Variants in ERAP1 observed in about 807,000 individuals in gnomAD.
The protein encoded by ERAP1 is endoplasmic reticulum aminopeptidase 1, also known as adipocyte-derived leucine aminopeptidase.
In ERAP1, 86 loss-of-function variants were observed where a neutral mutation model predicts 103.7. The observed-to-expected ratio is 0.83, with a 90% CI of 0.70 to 0.99. The LOEUF (loss-of-function observed/expected upper bound fraction) is 0.99, where lower values mean the gene tolerates loss of function less well. Ranked by LOEUF, ERAP1 falls within the 50% of genes least tolerant of loss-of-function variation. ERAP1 has a pLI of 0.00. For missense variants in ERAP1, 1,009 were observed against 1,128.4 expected, an observed-to-expected ratio of 0.89 and a Z score of 1.52; for synonymous variants, 398 against 402.4, an observed-to-expected ratio of 0.99 and a Z score of 0.13.
chr5:96,781,598 A>G, intron 16 of ERAP1, 95 bp downstream of exon 16: 1 of 1,522,272 alleles, frequency 6.6e-7, no homozygotes, highest in Non-Finnish European at 9.1e-7. Context: ...CAGGATAGGC[A>G]ATTCCTGGCC....
At chr5:96,897,397 A>G in the ERAP1 span, among the ~76,000 whole-genome samples, 30 of 152,176 alleles carry the variant, frequency 2.0e-4, no homozygotes, top group African/African-American at 7.2e-4. Context: ...CCTCCTCCTT[A>G]CAGACTGTTC....
the ERAP1 span, among the ~76,000 whole-genome samples, chr5:96,887,318 T>C: frequency 6.6e-6 from 1 of 151,062 alleles, no homozygotes; most frequent in African/African-American, 2.4e-5. Context: ...TTTTTTTTTT[T>C]GAGACAGAGT....
chr5:96,892,763 C>T, the ERAP1 span, among the ~76,000 whole-genome samples: 1 of 152,294 alleles, frequency 6.6e-6, no homozygotes, highest in East Asian at 1.9e-4. Context: ...GAATTGGAAA[C>T]CTTACAAATA....
chr5:96,804,135 C>G (rs1778297141), intron 1 of ERAP1, among the ~76,000 whole-genome samples, 192 bp from the exon 2 acceptor site: 1 of 152,184 alleles, frequency 6.6e-6, no homozygotes, highest in African/African-American at 2.4e-5. Flanking sequence ...TTACAGTTAG[C>G]AACAATCATT....
chr5:96,823,932 T>G, the ERAP1 span, among the ~76,000 whole-genome samples: 1 of 152,230 alleles, frequency 6.6e-6, no homozygotes, highest in African/African-American at 2.4e-5. Flanking sequence ...AGCACAAGCA[T>G]GACCATGCCT....
At chr5:96,858,111 G>T in the ERAP1 span, among the ~76,000 whole-genome samples, 2 of 152,062 alleles carry the variant, frequency 1.3e-5, no homozygotes, top group Non-Finnish European at 2.9e-5. Context: ...TGGTTTTGCT[G>T]TTAAGCCACA....
At chr5:96,793,551 G>A in intron 6 of ERAP1, 38 bp from the exon 7 acceptor site, 1 of 1,467,402 alleles carries the variant, frequency 6.8e-7, no homozygotes, top group African/African-American at 1.4e-5. Flanking sequence ...AAGACACTCA[G>A]AAAGAAGTAT....
chr5:96,872,695 T>C, the ERAP1 span, among the ~76,000 whole-genome samples: 2 of 152,226 alleles, frequency 1.3e-5, no homozygotes, highest in African/African-American at 2.4e-5. Context: ...TTTTCCCTAA[T>C]TGATTCTCGG....
the ERAP1 span, among the ~76,000 whole-genome samples, chr5:96,842,420 CTA>C: frequency 2.0e-5 from 3 of 152,162 alleles, no homozygotes; most frequent in Non-Finnish European, 2.9e-5. Context: ...TAAAAGTGTT[CTA>C]TTTTCACCAC....
At chr5:96,797,105 TC>T in intron 4 of ERAP1, 69 bp downstream of exon 4, 1 of 1,601,112 alleles carries the variant, frequency 6.2e-7, no homozygotes. Context: ...CAGGCAGACT[TC>T]CAGTTTTAAA....
intron 3 of ERAP1, among the ~76,000 whole-genome samples, chr5:96,798,615 A>C (rs989235576): frequency 2.0e-5 from 3 of 150,170 alleles, no homozygotes; most frequent in Admixed American, 6.7e-5. Flanking sequence ...GGGTCTTGCT[A>C]TGTTGCCCTG....
chr5:96,854,255 T>C, the ERAP1 span, among the ~76,000 whole-genome samples: 2 of 152,226 alleles, frequency 1.3e-5, no homozygotes, highest in Non-Finnish European at 2.9e-5. Flanking sequence ...GCAGTGTCTA[T>C]CTGGCAAATG....
the ERAP1 span, chr5:96,919,196 T>A: frequency 6.6e-6 from 1 of 152,398 alleles, no homozygotes; most frequent in Admixed American, 6.5e-5. Flanking sequence ...TAATTCCATA[T>A]ACCTTTCTTT....
At chr5:96,843,771 TCTAAATTTCTTC>T in the ERAP1 span, among the ~76,000 whole-genome samples, 8 of 152,156 alleles carry the variant, frequency 5.3e-5, no homozygotes, top group African/African-American at 1.7e-4. Context: ...CATTCGTTGT[TCTAAATTTCTTC>T]TTGAGGGGTC....
chr5:96,815,841 CCA>C, the ERAP1 span, among the ~76,000 whole-genome samples: 1 of 151,968 alleles, frequency 6.6e-6, no homozygotes, highest in East Asian at 1.9e-4. Context: ...GATTCCTGAG[CCA>C]CACTCTGAAA....
chr5:96,789,596 AAG>A (rs1459668132), intron 10 of ERAP1, among the ~76,000 whole-genome samples: 1 of 152,220 alleles, frequency 6.6e-6, no homozygotes, highest in Non-Finnish European at 1.5e-5. Context: ...AACATATAAA[AAG>A]AAAAAAGAAA....
At chr5:96,799,257 C>T (rs1777719026) in intron 3 of ERAP1, among the ~76,000 whole-genome samples, 1 of 152,106 alleles carries the variant, frequency 6.6e-6, no homozygotes, top group Non-Finnish European at 1.5e-5. Flanking sequence ...CTGCCCCATG[C>T]CCAAAAGCTT....
downstream of ERAP1, chr5:96,770,347 C>T: frequency 1.8e-6 from 1 of 551,246 alleles, no homozygotes. Context: ...TCCTTTTTCC[C>T]TCCTGCTTTA....
chr5:96,785,769 T>A lies in ERAP1; in HGVS notation c.1943+19A>T, dbSNP rs1775913633. 6.2e-7 allele frequency: 1 copy of A among 1,613,582 alleles called. No individual in the cohort carries two copies. The highest frequency in any genetic ancestry group is 8.5e-7 in the Non-Finnish European group (1 of 1,179,620). ...GCTGCTTTCAGAAATAAACCGCGAC[T>A]TTGTGCAGCGTGTATTACCTGACGA... On this transcript the variant is annotated intron_variant, in intron 13 of 18. Transcript: ENST00000443439.
Sources: allele counts gnomAD v4.1 joint callset (sites outside exome capture counted in the v4.1 genomes callset), GRCh38; gene constraint gnomAD v4.1.1; transcripts MANE v1.5; gene names NCBI Gene and HGNC (gene_info 2026-07-23, HGNC 2026-07-21).